The following RAB3GAP1 variants were observed in gnomAD, a reference collection of about 807,000 sequenced individuals.
RAB3GAP1 encodes the protein RAB3 GTPase activating protein catalytic subunit 1.
Under a neutral mutation model 130.7 loss-of-function variants are expected in RAB3GAP1, and 86 were observed. That is an observed-to-expected ratio of 0.66 (90% CI 0.55 to 0.79). The LOEUF (loss-of-function observed/expected upper bound fraction) is 0.79. Ranked by LOEUF, RAB3GAP1 falls within the 30% of genes least tolerant of loss-of-function variation. The probability of loss-of-function intolerance (pLI) is 0.00; values close to 1 mark genes in which losing one functional copy is unlikely to be tolerated. For synonymous variants in RAB3GAP1, 367 were observed against 401.7 expected, an observed-to-expected ratio of 0.91 and a Z score of 1.03; for missense variants, 1,029 against 1,169.4, an observed-to-expected ratio of 0.88 and a Z score of 1.75.
chr2:135,175,863 T>C (rs1692990525), intron 24 of RAB3GAP1, among the ~76,000 whole-genome samples: 1 of 152,212 alleles, frequency 6.6e-6, no homozygotes, highest in East Asian at 1.9e-4. Flanking sequence ...GCAAAAGATA[T>C]GCAAGGTTTC....
At chr2:135,136,275 G>A (rs1291705326) in intron 17 of RAB3GAP1, among the ~76,000 whole-genome samples, 2 of 152,072 alleles carry the variant, frequency 1.3e-5, no homozygotes, top group East Asian at 1.9e-4. Context: ...GCAGTGAGCC[G>A]AGATTGCACC....
In RAB3GAP1 at chr2:135,164,707, G is replaced by T; in HGVS notation, c.2709+11G>T. The T allele has an allele frequency of 6.3e-7, 1 of 1,578,960 alleles. No homozygotes were observed. Among genetic ancestry groups the T allele is most frequent in the Non-Finnish European group, 8.7e-7 (1 of 1,150,076 alleles). Reference sequence around the variant, plus strand: ...GTGAATGCCCAGAGGGTATGTGAGAGTCATTATTGACTCCATCATAATCTC... The same window carrying T: ...GTGAATGCCCAGAGGGTATGTGAGATTCATTATTGACTCCATCATAATCTC... On this transcript the variant is annotated intron_variant, in intron 23 of 23. Coordinates refer to ENST00000264158, the MANE Select transcript of RAB3GAP1 (RefSeq NM_012233.3).
intron 19 of RAB3GAP1, among the ~76,000 whole-genome samples, chr2:135,155,236 A>G (rs562076396): frequency 6.6e-6 from 1 of 152,254 alleles, no homozygotes; most frequent in African/African-American, 2.4e-5. Context: ...TAAAAGAAAA[A>G]AGAAAACCAT....
In RAB3GAP1 at chr2:135,056,199, TTTTTC is replaced by T. The variant is rs549600530; in HGVS notation, c.75-1802_75-1798del. Among the ~76,000 whole-genome samples the T allele has an allele frequency of 1.4e-3, 217 of 151,840 alleles. 1 individual carries two copies. The highest frequency in any genetic ancestry group is 5.1e-3 in the African/African-American group (210 of 41,368). ...GATCAAATATTAATATTTCTTTTTC[TTTTTC>T]TTTTCTTTTTTATTTTGAGACAGAG... On this transcript the variant is annotated intron_variant, in intron 2 of 23. Transcript: ENST00000264158.
At chr2:135,119,710 G>A (rs980536577) in intron 7 of RAB3GAP1, among the ~76,000 whole-genome samples, 2 of 152,204 alleles carry the variant, frequency 1.3e-5, no homozygotes, top group African/African-American at 4.8e-5. Flanking sequence ...AGATGCTGCT[G>A]CTGAGCTAAA....
At position 135,129,996 on chromosome 2, in the gene RAB3GAP1, T is replaced by C; in HGVS notation, c.975T>C (p.Gly325=). 6.2e-7 allele frequency: 1 copy of C among 1,605,520 alleles called. No homozygotes were observed. The highest frequency in any genetic ancestry group is 1.7e-4 in the Middle Eastern group (1 of 6,040). Reference sequence around the variant, plus strand: ...AAAATAACTTTTTTTCCTACATAGGTGATTTTGTCACTGAATTTTTTAAAA... The same window carrying C: ...AAAATAACTTTTTTTCCTACATAGGCGATTTTGTCACTGAATTTTTTAAAA... The part of the protein sequence containing the change: ...RKAENPQCLL[G]DFVTEFFKIC... The change falls in exon 12 of 24, where the codon GGT becomes GGC. Residue 325 remains glycine, a splice_region_variant and synonymous_variant. Transcript: ENST00000264158.
intron 11 of RAB3GAP1, among the ~76,000 whole-genome samples, chr2:135,129,092 C>CA (rs1691441875): frequency 6.6e-6 from 1 of 152,186 alleles, no homozygotes; most frequent in African/African-American, 2.4e-5. Flanking sequence ...GTCAAGGCTG[C>CA]AGTGAGCCAT....
At chr2:135,113,427 C>T (rs889016545) in intron 6 of RAB3GAP1, among the ~76,000 whole-genome samples, 157 bp downstream of exon 6, 8 of 152,062 alleles carry the variant, frequency 5.3e-5, no homozygotes, top group African/African-American at 7.3e-5. Context: ...CCTCTGTATC[C>T]GCTCCCTATT....
chr2:135,090,640 G>A (rs1041723527), intron 3 of RAB3GAP1, among the ~76,000 whole-genome samples: 1 of 152,144 alleles, frequency 6.6e-6, no homozygotes, highest in African/African-American at 2.4e-5. Context: ...CACTTAAATT[G>A]ATTGTGCAGA....
chr2:135,153,809 A>C lies in RAB3GAP1; in HGVS notation c.2222A>C (p.Glu741Ala), dbSNP rs150586651. 4 of 1,613,956 alleles carry C rather than the reference A, an allele frequency of 2.5e-6. No individual in the cohort carries two copies. The African/African-American group carries it at 5.3e-5, about 22-fold the overall frequency. ...IPSNMWVEAWETAKPIPARRQ... is the reference protein window; with the variant it reads ...IPSNMWVEAWATAKPIPARRQ... ...AGCAATATGTGGGTAGAAGCCTGGGAAACAGCTAAGCCAATTCCTGCTAGA... is the reference window on the plus strand; with the variant it reads ...AGCAATATGTGGGTAGAAGCCTGGGCAACAGCTAAGCCAATTCCTGCTAGA... Residue 741 changes from glutamate (E) to alanine (A), a missense_variant, in exon 19 of 24, where the codon GAA becomes GCA. Physicochemically the swap from Glu to Ala is moderately radical, Grantham distance 107. Transcript: ENST00000264158.
intron 5 of RAB3GAP1, among the ~76,000 whole-genome samples, chr2:135,105,493 G>C (rs531906551): frequency 1.3e-3 from 193 of 150,918 alleles, no homozygotes; most frequent in Non-Finnish European, 2.1e-3. Context: ...CTCGGCCTCT[G>C]GAGGTGCCGG....
intron 17 of RAB3GAP1, among the ~76,000 whole-genome samples, chr2:135,141,943 T>G (rs561735433): frequency 6.6e-6 from 1 of 152,196 alleles, no homozygotes; most frequent in East Asian, 1.9e-4. Context: ...TCATCATTAT[T>G]GTAGCTTTAT....
chr2:135,090,352 T>C (rs1276917844), intron 3 of RAB3GAP1, among the ~76,000 whole-genome samples: 2 of 152,204 alleles, frequency 1.3e-5, no homozygotes, highest in Non-Finnish European at 2.9e-5. Context: ...CTATCTGTGC[T>C]TGGCTAGTTG....
chr2:135,095,333 C>A (rs1446491894), intron 5 of RAB3GAP1, among the ~76,000 whole-genome samples: 1 of 152,224 alleles, frequency 6.6e-6, no homozygotes, highest in African/African-American at 2.4e-5. Context: ...TAGGCGTGAG[C>A]CACCGCGCCC....
At position 135,105,197 on chromosome 2, in the gene RAB3GAP1, C is replaced by A. The variant is rs1574111889; in HGVS notation, c.363-7954C>A. Among the ~76,000 whole-genome samples the A allele has an allele frequency of 2.6e-5, 3 of 115,024 alleles. No homozygotes were observed. The South Asian group carries it at 1.0e-3, about 39-fold the overall frequency. 75.5% of individuals were successfully genotyped at this position (115,024 alleles called of 152,430 possible). On this transcript the variant is annotated intron_variant, in intron 5 of 23. Transcript: ENST00000264158. ...GAGCTCTCCCTCTCCCTCTCCCTCT[C>A]CCCCTTCCCTCTCCCCCTCCCCCTT... is the stretch of plus-strand genomic sequence containing the variant.
At chr2:135,074,444 T>C (rs77665765) in intron 3 of RAB3GAP1, among the ~76,000 whole-genome samples, 1,527 of 152,220 alleles carry the variant, frequency 0.01, 23 homozygotes, top group African/African-American at 0.035. Context: ...GCCAGAGGAA[T>C]ATTAGAGTTT....
intron 3 of RAB3GAP1, chr2:135,058,412 A>G (rs1231267098): frequency 1.1e-5 from 2 of 189,112 alleles, no homozygotes; most frequent in Non-Finnish European, 2.2e-5. Context: ...CATGTTTTTA[A>G]AAGTTTTTTA....
chr2:135,168,633 C>G lies in RAB3GAP1; in HGVS notation c.2798C>G (p.Pro933Arg). Residue 933 changes from proline (P) to arginine (R), a missense_variant, in exon 24 of 24, where the codon CCC becomes CGC. Around this residue, in one of 3 missense-constraint regions of RAB3GAP1, gnomAD observed 146 missense variants for 143.7 expected, o/e 1.02. Coordinates refer to ENST00000264158, the MANE Select transcript of RAB3GAP1 (RefSeq NM_012233.3). ...RRQNSVSDFP[P>R]PAGREFILRT... ...CAGAACTCCGTGTCAGACTTCCCACCCCCTGCTGGCCGGGAATTCATTTTG... is the reference window on the plus strand; with the variant it reads ...CAGAACTCCGTGTCAGACTTCCCACGCCCTGCTGGCCGGGAATTCATTTTG... The G allele has an allele frequency of 1.2e-6, 2 of 1,614,204 alleles. No individual in the cohort carries two copies. Among genetic ancestry groups the G allele is most frequent in the African/African-American group, 2.7e-5 (2 of 75,046 alleles).
At chr2:135,140,736 C>T (rs1691815612) in intron 17 of RAB3GAP1, among the ~76,000 whole-genome samples, 1 of 152,218 alleles carries the variant, frequency 6.6e-6, no homozygotes, top group African/African-American at 2.4e-5. Context: ...TAGGGTTAAC[C>T]ATACCAAAAT....
Sources: allele counts gnomAD v4.1 joint callset (sites outside exome capture counted in the v4.1 genomes callset), GRCh38; gene constraint gnomAD v4.1.1; regional missense constraint gnomAD v4.1.1; transcripts MANE v1.5; gene names NCBI Gene and HGNC (gene_info 2026-07-23, HGNC 2026-07-21).